CAMKMT: variants seen among roughly 807,000 people sequenced by gnomAD.
The protein encoded by CAMKMT is CaM KMT.
A neutral mutation model predicts 48.0 loss-of-function variants in CAMKMT; 53 were observed. The ratio of observed to expected loss-of-function variants is 1.10; its 90% CI spans 0.89 to 1.39. The LOEUF (loss-of-function observed/expected upper bound fraction) is 1.39. Among genes scored for constraint, CAMKMT ranks in the 40% most tolerant of loss-of-function variants. CAMKMT has a pLI of 0.00. For missense variants in CAMKMT, 428 were observed against 402.7 expected (o/e 1.06, Z -0.54); for synonymous variants, 165 against 152.3 (o/e 1.08, Z -0.61).
chr2:44,660,301 T>C (rs1002699703), intron 3 of CAMKMT, among the ~76,000 whole-genome samples: 2 of 152,178 alleles, frequency 1.3e-5, no homozygotes, highest in African/African-American at 4.8e-5. Flanking sequence ...AAAGGGCAAA[T>C]ATGTATCATT....
At chr2:44,396,781 A>T (rs1295672619) in intron 3 of CAMKMT, among the ~76,000 whole-genome samples, 3 of 151,446 alleles carry the variant, frequency 2.0e-5, no homozygotes, top group African/African-American at 4.8e-5. Flanking sequence ...AGGAACCAGG[A>T]TGGGAACTGT....
intron 3 of CAMKMT, among the ~76,000 whole-genome samples, chr2:44,428,449 G>A (rs1684421494): frequency 6.6e-6 from 1 of 152,186 alleles, no homozygotes; most frequent in Admixed American, 6.5e-5. Flanking sequence ...GCACATGATA[G>A]GAAGTGTGGG....
intron 3 of CAMKMT, among the ~76,000 whole-genome samples, chr2:44,469,074 A>G (rs999792391): frequency 6.6e-6 from 1 of 152,180 alleles, no homozygotes; most frequent in Non-Finnish European, 1.5e-5. Flanking sequence ...AATGTATACA[A>G]TATTAAAGCT....
chr2:44,705,107 C>T (rs996795032), intron 4 of CAMKMT, among the ~76,000 whole-genome samples: 4 of 152,032 alleles, frequency 2.6e-5, no homozygotes, highest in African/African-American at 2.4e-5. Flanking sequence ...GTGTTTTAAC[C>T]GTATGTACTT....
At chr2:44,414,316 T>C (rs942743007) in intron 3 of CAMKMT, among the ~76,000 whole-genome samples, 3 of 152,216 alleles carry the variant, frequency 2.0e-5, no homozygotes, top group Admixed American at 6.5e-5. Flanking sequence ...TGGGTATGAA[T>C]GGTTCCTATG....
intron 3 of CAMKMT, among the ~76,000 whole-genome samples, chr2:44,477,446 ACC>A (rs1374974802): frequency 2.0e-5 from 3 of 152,286 alleles, no homozygotes; most frequent in South Asian, 2.1e-4. Flanking sequence ...ATATTTCCCC[ACC>A]CTGGTTTGGA....
At chr2:44,443,549 A>C (rs934767890) in intron 3 of CAMKMT, among the ~76,000 whole-genome samples, 4 of 152,306 alleles carry the variant, frequency 2.6e-5, no homozygotes, top group Admixed American at 2.0e-4. Context: ...TAAGCTGCTC[A>C]GTATTACTCT....
chr2:44,418,106 C>T (rs925749653), intron 3 of CAMKMT, among the ~76,000 whole-genome samples: 3 of 150,144 alleles, frequency 2.0e-5, no homozygotes, highest in East Asian at 2.0e-4. Context: ...GCGGGAGAAT[C>T]GATTGAACCT....
At position 44,578,088 on chromosome 2, in the gene CAMKMT, A is replaced by G. The variant is rs138748954; in HGVS notation, c.377-126195A>G. ...TCTCTTGTAAATCTGCCTTGTGTCA[A>G]TTTGGTTTCTAGATCCAGCTGAAGG... On this transcript the variant is annotated intron_variant, in intron 3 of 10. Transcript: ENST00000378494. Among the ~76,000 whole-genome samples, 924 of 152,244 alleles carry G rather than the reference A, an allele frequency of 6.1e-3. 10 individuals are homozygous for G. Among genetic ancestry groups the G allele is most frequent in the African/African-American group, 0.021 (874 of 41,538 alleles).
intron 3 of CAMKMT, among the ~76,000 whole-genome samples, chr2:44,505,383 G>T (rs997952315): frequency 6.6e-6 from 1 of 152,132 alleles, no homozygotes; most frequent in Admixed American, 6.5e-5. Context: ...CTGAGCAAAG[G>T]CTTTTAGTTT....
intron 3 of CAMKMT, among the ~76,000 whole-genome samples, chr2:44,403,748 A>G (rs1025652436): frequency 1.3e-5 from 2 of 152,250 alleles, no homozygotes; most frequent in African/African-American, 2.4e-5. Context: ...CATAAATGCT[A>G]TAATCACTTA....
intron 7 of CAMKMT, among the ~76,000 whole-genome samples, chr2:44,740,161 T>C (rs552181507): frequency 6.6e-6 from 1 of 150,890 alleles, no homozygotes; most frequent in Non-Finnish European, 1.5e-5. Flanking sequence ...AGGGTCTCAT[T>C]TTTGTCACCC....
intron 7 of CAMKMT, among the ~76,000 whole-genome samples, chr2:44,740,896 T>A (rs1679641263): frequency 6.6e-6 from 1 of 151,900 alleles, no homozygotes; most frequent in African/African-American, 2.4e-5. Flanking sequence ...GACTGAAGAG[T>A]ACCTTCTAGA....
chr2:44,593,066 C>T (rs1364244127), intron 3 of CAMKMT, among the ~76,000 whole-genome samples: 1 of 152,138 alleles, frequency 6.6e-6, no homozygotes, highest in Non-Finnish European at 1.5e-5. Context: ...TTTTGTGAAG[C>T]AGATGTGTTA....
intron 3 of CAMKMT, among the ~76,000 whole-genome samples, chr2:44,514,993 C>A (rs1341676265): frequency 5.3e-5 from 8 of 152,152 alleles, no homozygotes; most frequent in Non-Finnish European, 1.2e-4. Context: ...TTGGGTAGTC[C>A]TGTGTAGACC....
intron 3 of CAMKMT, among the ~76,000 whole-genome samples, chr2:44,494,268 G>A (rs1669650730): frequency 6.6e-6 from 1 of 152,180 alleles, no homozygotes; most frequent in Non-Finnish European, 1.5e-5. Flanking sequence ...AACAAGCTTA[G>A]GTGATGGAAA....
intron 7 of CAMKMT, among the ~76,000 whole-genome samples, chr2:44,724,656 C>T (rs1678678943): frequency 6.6e-6 from 1 of 152,144 alleles, no homozygotes. Flanking sequence ...TTTTCACTCT[C>T]ATGTGAGAGC....
chr2:44,564,294 G>A (rs1356820796), intron 3 of CAMKMT, among the ~76,000 whole-genome samples: 1 of 151,230 alleles, frequency 6.6e-6, no homozygotes, highest in African/African-American at 2.4e-5. Context: ...TCCTGCCTCA[G>A]CCTCCCAAGT....
intron 3 of CAMKMT, among the ~76,000 whole-genome samples, chr2:44,683,541 C>T (rs1268632264): frequency 6.6e-6 from 1 of 152,146 alleles, no homozygotes; most frequent in East Asian, 1.9e-4. Context: ...AGTAACGAGG[C>T]AGGGCGCGGT....
Sources: gnomAD v4.1 joint callset for allele counts (sites outside exome capture counted in the v4.1 genomes callset) on GRCh38, gnomAD v4.1.1 for gene constraint, MANE v1.5 for transcripts, NCBI Gene and HGNC (gene_info 2026-07-23, HGNC 2026-07-21) for gene names.